Variants in CAPSL observed in about 807,000 individuals in gnomAD.
CAPSL encodes calcyphosin-like protein.
Under a neutral mutation model 21.3 loss-of-function variants are expected in CAPSL, and 17 were observed. That is an observed-to-expected ratio of 0.80 (90% confidence interval 0.55 to 1.20). The LOEUF (loss-of-function observed/expected upper bound fraction) is 1.20. Ranked by LOEUF, CAPSL falls within the 50% of genes most tolerant of loss-of-function variation. CAPSL has a pLI of 0.00. For synonymous variants in CAPSL, 102 were observed against 89.3 expected, an observed-to-expected ratio of 1.14 and a Z score of -0.80; for missense variants, 289 against 259.3, an observed-to-expected ratio of 1.11 and a Z score of -0.79.
chr5:35,920,499 G>C (rs1478378586), intron 2 of CAPSL, among the ~76,000 whole-genome samples: 1 of 152,152 alleles, frequency 6.6e-6, no homozygotes, highest in Non-Finnish European at 1.5e-5. Context: ...GAGCTACCCA[G>C]CTGAGAGAAC....
intron 1 of CAPSL, among the ~76,000 whole-genome samples, chr5:35,922,887 T>A (rs988908721): frequency 6.6e-6 from 1 of 152,158 alleles, no homozygotes; most frequent in South Asian, 2.1e-4. Flanking sequence ...AATTCACTCA[T>A]CTAGCCATGT....
intron 2 of CAPSL, among the ~76,000 whole-genome samples, chr5:35,919,215 C>A (rs1580887925): frequency 6.9e-6 from 1 of 144,756 alleles, no homozygotes; most frequent in South Asian, 2.1e-4. Context: ...TAGTTTGGAT[C>A]TCAGGAACGG....
At chr5:35,935,856 C>T (rs979171836) in intron 1 of CAPSL, among the ~76,000 whole-genome samples, 3 of 152,130 alleles carry the variant, frequency 2.0e-5, no homozygotes, top group African/African-American at 7.2e-5. Flanking sequence ...TCTTGACCCT[C>T]ATTTTTCAAC....
At chr5:35,928,943 T>C (rs1199959610) in intron 1 of CAPSL, among the ~76,000 whole-genome samples, 1 of 152,162 alleles carries the variant, frequency 6.6e-6, no homozygotes, top group East Asian at 1.9e-4. Context: ...GGCACTTTAT[T>C]GTTTTTAGTT....
intron 1 of CAPSL, among the ~76,000 whole-genome samples, chr5:35,929,559 G>A (rs1433960404): frequency 6.6e-6 from 1 of 152,124 alleles, no homozygotes; most frequent in Non-Finnish European, 1.5e-5. Flanking sequence ...ACAATGCTGG[G>A]ATTACAGGCG....
intron 2 of CAPSL, among the ~76,000 whole-genome samples, chr5:35,914,507 G>C (rs1337891817): frequency 1.3e-5 from 2 of 152,026 alleles, no homozygotes; most frequent in Non-Finnish European, 2.9e-5. Flanking sequence ...ATAACAAACT[G>C]TCTCTCAGAC....
intron 1 of CAPSL, among the ~76,000 whole-genome samples, chr5:35,932,667 T>C (rs1486765835): frequency 6.6e-6 from 1 of 152,190 alleles, no homozygotes; most frequent in East Asian, 1.9e-4. Context: ...GAAATATTGT[T>C]ATTCCAGAAA....
At chr5:35,934,055 T>C (rs700172) in intron 1 of CAPSL, among the ~76,000 whole-genome samples, 34,423 of 152,180 alleles carry the variant, frequency 0.23, 4,252 homozygotes, top group Non-Finnish European at 0.28. Flanking sequence ...TGCCATTCTG[T>C]TGACTTCTGA....
intron 1 of CAPSL, among the ~76,000 whole-genome samples, chr5:35,937,816 G>A (rs1312504197): frequency 7.3e-6 from 1 of 136,650 alleles, no homozygotes; most frequent in Non-Finnish European, 1.5e-5. Context: ...TGTGGTTGTA[G>A]GATTTGAGGA....
chr5:35,915,893 T>C (rs1171079692), intron 2 of CAPSL, among the ~76,000 whole-genome samples: 1 of 152,138 alleles, frequency 6.6e-6, no homozygotes, highest in Non-Finnish European at 1.5e-5. Context: ...AAACAAATGG[T>C]ATTCAATTAG....
At chr5:35,915,547 T>A (rs1738356008) in intron 2 of CAPSL, among the ~76,000 whole-genome samples, 1 of 152,226 alleles carries the variant, frequency 6.6e-6, no homozygotes, top group Non-Finnish European at 1.5e-5. Flanking sequence ...GATGCAAGGC[T>A]GGTTCAACAT....
intron 2 of CAPSL, among the ~76,000 whole-genome samples, chr5:35,916,457 CA>C (rs1268077301): frequency 6.6e-6 from 1 of 152,218 alleles, no homozygotes; most frequent in Non-Finnish European, 1.5e-5. Context: ...TACCTGACTT[CA>C]AACTATACTA....
chr5:35,910,634 G>C, intron 2 of CAPSL, 91 bp from the exon 3 acceptor site: 2 of 987,776 alleles, frequency 2.0e-6, no homozygotes, highest in Middle Eastern at 3.4e-4. Flanking sequence ...TCAAGGTTTC[G>C]TCAAATTAAA....
At chr5:35,919,956 A>G (rs576949718) in intron 2 of CAPSL, among the ~76,000 whole-genome samples, 2 of 152,286 alleles carry the variant, frequency 1.3e-5, no homozygotes, top group East Asian at 3.9e-4. Flanking sequence ...TGCACTAAGG[A>G]CAATGATGTG....
chr5:35,919,170 A>AAAAAT lies in CAPSL; in HGVS notation c.137+1813_137+1814insATTTT, dbSNP rs754098152. Among the ~76,000 whole-genome samples the AAAAAT allele has an allele frequency of 3.9e-3, 470 of 121,248 alleles. 5 individuals are homozygous for AAAAAT. Among genetic ancestry groups the AAAAAT allele is most frequent in the Middle Eastern group, 8.7e-3 (2 of 230 alleles). The allele number at this position is 121,248 out of a possible 152,430, so 79.5% of individuals were successfully genotyped here. A position where few individuals can be genotyped will look rare whatever the true frequency, so the allele number is the denominator to read the frequency against. On this transcript the variant is annotated intron_variant, in intron 2 of 4. Coordinates refer to ENST00000651391, the MANE Select transcript of CAPSL (RefSeq NM_001042625.2). ...AGTATCTTTCCTGATTAAAAAAAAA[A>AAAAAT]ATATATATATATATATATATAAAAA...
At chr5:35,905,575 C>T (rs183286941) in intron 4 of CAPSL, among the ~76,000 whole-genome samples, 1 of 152,220 alleles carries the variant, frequency 6.6e-6, no homozygotes, top group East Asian at 1.9e-4. Context: ...CATAGTTGAA[C>T]TGTAAATACA....
At chr5:35,905,384 T>C (rs1331893547) in intron 4 of CAPSL, among the ~76,000 whole-genome samples, 1 of 152,148 alleles carries the variant, frequency 6.6e-6, no homozygotes, top group East Asian at 1.9e-4. Context: ...GTTGACATGA[T>C]CGGTTGGGGA....
At chr5:35,935,065 G>A (rs1489776783) in intron 1 of CAPSL, among the ~76,000 whole-genome samples, 2 of 152,150 alleles carry the variant, frequency 1.3e-5, no homozygotes, top group Admixed American at 6.5e-5. Context: ...CTTCTTTGAA[G>A]CACAGCCTAG....
At chr5:35,912,582 T>C (rs1738259535) in intron 2 of CAPSL, among the ~76,000 whole-genome samples, 1 of 152,220 alleles carries the variant, frequency 6.6e-6, no homozygotes. Flanking sequence ...CCTCCACTGC[T>C]GATACCCAGG....
Sources: gnomAD v4.1 joint callset for allele counts (sites outside exome capture counted in the v4.1 genomes callset) on GRCh38, gnomAD v4.1.1 for gene constraint, MANE v1.5 for transcripts, NCBI Gene and HGNC (gene_info 2026-07-23, HGNC 2026-07-21) for gene names.